CACNA1G: variants seen among roughly 807,000 people sequenced by gnomAD.
The protein encoded by CACNA1G is calcium voltage-gated channel subunit alpha1 G, also known as voltage-dependent T-type calcium channel subunit alpha-1G.
Under a neutral mutation model 219.4 loss-of-function variants are expected in CACNA1G, and 67 were observed. That is an observed-to-expected ratio of 0.31 (90% CI 0.25 to 0.37). CACNA1G has a LOEUF of 0.37. Among genes scored for constraint, CACNA1G ranks in the 10% least tolerant of loss-of-function variants. CACNA1G has a pLI of 1.00. For synonymous variants in CACNA1G, 1,296 were observed against 1,345.3 expected, an observed-to-expected ratio of 0.96 and a Z score of 0.80; for missense variants, 2,380 against 3,231.4, an observed-to-expected ratio of 0.74 and a Z score of 6.39.
Position 50,561,231 on chromosome 17 carries a change from A to C in CACNA1G, c.-229A>C. On this transcript the variant is annotated 5_prime_UTR_variant, in exon 1 of 38. Coordinates refer to ENST00000359106, the MANE Select transcript of CACNA1G (RefSeq NM_018896.5). The stretch of plus-strand genomic sequence containing the variant: ...CGGGAAGCCCCAGGGGCGCAGGGGA[A>C]GCGGGACTCGCGCCGGGCGGGGTTT... 1.5e-5 allele frequency: 8 copies of C among 538,494 alleles called. No homozygotes were observed. The highest frequency in any genetic ancestry group is 9.8e-6 in the Non-Finnish European group (3 of 306,060). The allele number at this position is 538,494 out of a possible 1,614,324, so 33.4% of individuals were successfully genotyped here. A position where few individuals can be genotyped will look rare whatever the true frequency, so the allele number is the denominator to read the frequency against.
intron 17 of CACNA1G, 32 bp downstream of exon 17, chr17:50,599,891 C>T: frequency 2.5e-6 from 4 of 1,585,730 alleles, no homozygotes; most frequent in Non-Finnish European, 3.4e-6. Flanking sequence ...TGACCCCTCA[C>T]CCCTGACCTT....
At chr17:50,601,207 C>G in intron 19 of CACNA1G, 33 bp downstream of exon 19, 1 of 1,610,910 alleles carries the variant, frequency 6.2e-7, no homozygotes, top group Non-Finnish European at 8.5e-7. Context: ...GGCAAGGCCT[C>G]TCCTGGGGTT....
chr17:50,574,003 A>G (rs1008606009), intron 7 of CACNA1G, among the ~76,000 whole-genome samples: 22 of 152,206 alleles, frequency 1.4e-4, no homozygotes, highest in African/African-American at 5.1e-4. Context: ...TATGCTGTGT[A>G]TTAATCTCCA....
At chr17:50,587,633 T>A (rs1318445250) in intron 9 of CACNA1G, among the ~76,000 whole-genome samples, 1 of 152,248 alleles carries the variant, frequency 6.6e-6, no homozygotes, top group Non-Finnish European at 1.5e-5. Context: ...ACCCTAAGTG[T>A]TGCAGGGAGA....
Position 50,616,398 on chromosome 17 carries a change from G to A in CACNA1G, c.5021+14G>A, listed in dbSNP as rs2285940. 2,584 of 1,471,856 alleles carry A rather than the reference G, an allele frequency of 1.8e-3. 72 individuals carry two copies. The East Asian group carries it at 0.053, about 30-fold the overall frequency. The allele number at this position is 1,471,856 out of a possible 1,614,324, so 91.2% of individuals were successfully genotyped here. On this transcript the variant is annotated intron_variant, in intron 28 of 37. Transcript: ENST00000359106. Reference sequence around the variant, plus strand: ...CTTCCAGGACAGGTAACGGAGAAAAGGGGGGTCTTGGGGACTTGCGTAGAG... The same window carrying A: ...CTTCCAGGACAGGTAACGGAGAAAAAGGGGGTCTTGGGGACTTGCGTAGAG...
rs760308715 is a variant in CACNA1G at position 50,626,575 on chromosome 17, G to T, written c.6958G>T (p.Gly2320Cys). The change falls in exon 38 of 38, where the codon GGT becomes TGT. Residue 2320 changes from glycine (G) to cysteine (C), a missense_variant. This residue lies in a region of CACNA1G where 672 missense variants were observed against 670.5 expected (regional missense o/e 1.00). Transcript: ENST00000359106. The surrounding 1 kb of genome is among the most constrained non-coding windows in gnomAD (Gnocchi z 4.3). ...CACCATAGACCCCCCCGAGAGCCAA[G>T]GTCCTCGGACCCCGCCCAGCCCTGG... ...SITIDPPESQ[G>C]PRTPPSPGIC... is the part of the protein sequence containing the mutation. The T allele has an allele frequency of 3.8e-5, 61 of 1,599,452 alleles. No homozygotes were observed. Among genetic ancestry groups the T allele is most frequent in the Admixed American group, 1.9e-4 (11 of 57,230 alleles).
rs2050750785 is a variant in CACNA1G at position 50,617,075 on chromosome 17, C to T, written c.5022-363C>T. On this transcript the variant is annotated intron_variant, in intron 28 of 37. Coordinates refer to ENST00000359106, the MANE Select transcript of CACNA1G (RefSeq NM_018896.5). This position sits in a 1 kb window ranked among gnomAD's most constrained non-coding sequence, Gnocchi z 5.8. ...TGTTGCCCAGGCTGTTCTCGAACTC[C>T]TGAGCTCAAGTGATCCTCCCACCTC... Among the ~76,000 whole-genome samples, 1 of 152,160 alleles carries T rather than the reference C, an allele frequency of 6.6e-6. No individual in the cohort carries two copies. The highest frequency in any genetic ancestry group is 2.1e-4 in the South Asian group (1 of 4,832).
At chr17:50,573,518 T>A (rs1478706594) in intron 7 of CACNA1G, 2 of 163,756 alleles carry the variant, frequency 1.2e-5, no homozygotes, top group African/African-American at 4.8e-5. Context: ...ATTCAATTCA[T>A]CCCTTTGAAT....
intron 7 of CACNA1G, 50 bp from the exon 8 acceptor site, chr17:50,575,493 T>C: frequency 6.5e-7 from 1 of 1,533,472 alleles, no homozygotes. Context: ...GCTGGCATTG[T>C]GATTCACTTT....
Position 50,578,511 on chromosome 17 carries a change from A to G in CACNA1G, c.2248A>G (p.Met750Val), listed in dbSNP as rs774608309. 1.3e-6 allele frequency: 2 copies of G among 1,582,058 alleles called. No homozygotes were observed. Among genetic ancestry groups the G allele is most frequent in the South Asian group, 2.3e-5 (2 of 86,458 alleles). The change falls in exon 9 of 38, where the codon ATG (methionine) becomes GTG (valine). Residue 750 changes from methionine to valine, a missense_variant. Around this residue, in one of 17 missense-constraint regions of CACNA1G, gnomAD observed 4 missense variants for 26.3 expected, o/e 0.15. Transcript: ENST00000359106. The surrounding 1 kb of genome is among the most constrained non-coding windows in gnomAD (Gnocchi z 4.5). ...VDSKYFGRGI[M>V]IAILVNTLSM... ...CAGCAAGTACTTTGGCCGGGGAATCATGATCGCCATCCTGGTCAACACACT... is the reference window on the plus strand; with the variant it reads ...CAGCAAGTACTTTGGCCGGGGAATCGTGATCGCCATCCTGGTCAACACACT...
Position 50,596,630 on chromosome 17 carries a change from G to A in CACNA1G, c.3048G>A (p.Arg1016=), listed in dbSNP as rs2045607372. ...CCAGCCTGGATGGTGATGGGGACAG[G>A]AAGAAGTGCTTGGCCTGTGAGTACC... is the stretch of plus-strand genomic sequence containing the variant. ...FSPSLDGDGD[R]KKCLALVSLG... is the part of the protein sequence containing the mutation. The change falls in exon 15 of 38, where the codon AGG becomes AGA. Residue 1016 remains arginine, a synonymous_variant. Coordinates refer to ENST00000359106, the MANE Select transcript of CACNA1G (RefSeq NM_018896.5). This position sits in a 1 kb window ranked among gnomAD's most constrained non-coding sequence, Gnocchi z 4.8. The A allele has an allele frequency of 1.2e-6, 2 of 1,613,876 alleles. No homozygotes were observed. The highest frequency in any genetic ancestry group is 2.2e-5 in the South Asian group (2 of 91,090).
At chr17:50,573,359 T>G (rs1418620188) in intron 7 of CACNA1G, 4 of 444,248 alleles carry the variant, frequency 9.0e-6, no homozygotes, top group Non-Finnish European at 1.2e-5. Context: ...CCTCCAGCAC[T>G]GCTCTGGGCC....
chr17:50,566,595 T>G (rs2037940340), intron 1 of CACNA1G, among the ~76,000 whole-genome samples: 1 of 152,224 alleles, frequency 6.6e-6, no homozygotes, highest in African/African-American at 2.4e-5. Context: ...GTGAGGTCAC[T>G]TCTGTACCTT....
chr17:50,582,316 G>C (rs951956079), intron 9 of CACNA1G, among the ~76,000 whole-genome samples: 7 of 152,168 alleles, frequency 4.6e-5, no homozygotes, highest in Admixed American at 1.3e-4. Flanking sequence ...GAGGGCTCCG[G>C]CAGTGGTCCA....
At chr17:50,592,390 T>G (rs1291920058) in intron 13 of CACNA1G, among the ~76,000 whole-genome samples, 1 of 152,092 alleles carries the variant, frequency 6.6e-6, no homozygotes, top group East Asian at 1.9e-4. Flanking sequence ...ACCAGATAAG[T>G]GTCTGCCTGT....
At chr17:50,613,681 C>A (rs1427641098) in intron 26 of CACNA1G, among the ~76,000 whole-genome samples, 2 of 152,230 alleles carry the variant, frequency 1.3e-5, no homozygotes, top group Non-Finnish European at 2.9e-5. Flanking sequence ...ATTCTCCATT[C>A]ATATTTTAGC....
rs552001827 is a variant in CACNA1G at position 50,626,226 on chromosome 17, C to A, written c.6609C>A (p.Asn2203Lys). The A allele has an allele frequency of 8.1e-6, 13 of 1,613,842 alleles. No homozygotes were observed. The highest frequency in any genetic ancestry group is 6.7e-5 in the African/African-American group (5 of 75,032). The change falls in exon 38 of 38, where the codon AAC (asparagine) becomes AAA (lysine). Residue 2203 changes from asparagine (N) to lysine (K), a missense_variant. Around this residue, in one of 17 missense-constraint regions of CACNA1G, gnomAD observed 672 missense variants for 670.5 expected, o/e 1.00. Transcript: ENST00000359106. This position sits in a 1 kb window ranked among gnomAD's most constrained non-coding sequence, Gnocchi z 4.3. ...PPAPCPGPEP[N>K]WGKGPPETRS... ...CCCCTTGCCCAGGCCCAGAACCCAACTGGGGCAAGGGCCCTCCAGAGACCA... is the reference window on the plus strand; with the variant it reads ...CCCCTTGCCCAGGCCCAGAACCCAAATGGGGCAAGGGCCCTCCAGAGACCA...
Position 50,589,834 on chromosome 17 carries a change from G to A in CACNA1G, c.2302-637G>A, listed in dbSNP as rs141301499. Among the ~76,000 whole-genome samples, 871 of 151,162 alleles carry A rather than the reference G, an allele frequency of 5.8e-3. 8 individuals carry two copies. The highest frequency in any genetic ancestry group is 0.02 in the African/African-American group (836 of 41,010). ...TCCTCAACTGTGACAACCCTTCCTG[G>A]GTGTCTGCGTGTCTTCCTTCTGCCT... On this transcript the variant is annotated intron_variant, in intron 9 of 37. Coordinates refer to ENST00000359106, the MANE Select transcript of CACNA1G (RefSeq NM_018896.5).
Position 50,572,760 on chromosome 17 carries a change from A to C in CACNA1G, c.953A>C (p.Gln318Pro), listed in dbSNP as rs1485818245. The change falls in exon 6 of 38, where the codon CAG (glutamine) becomes CCG (proline). Residue 318 changes from glutamine to proline, a missense_variant. By Grantham distance (76) the Gln-to-Pro change is moderately conservative. Transcript: ENST00000359106. ...SSNTTCVNWN[Q>P]YYTNCSAGEH... ...AACACCACCTGTGTCAACTGGAACC[A>C]GTACTACACCAACTGCTCAGCGGGG... The C allele has an allele frequency of 6.2e-7, 1 of 1,614,044 alleles. No homozygotes were observed.
Sources: allele counts gnomAD v4.1 joint callset (sites outside exome capture counted in the v4.1 genomes callset), GRCh38; gene constraint gnomAD v4.1.1; regional missense constraint gnomAD v4.1.1; non-coding constraint Gnocchi (gnomAD v3.1); transcripts MANE v1.5; gene names NCBI Gene and HGNC (gene_info 2026-07-23, HGNC 2026-07-21).